CNGB3: variants seen among roughly 807,000 people sequenced by gnomAD.
The protein encoded by CNGB3 is cyclic nucleotide-gated channel beta-3.
CNGB3 carries 86 observed loss-of-function variants against 92.8 expected under a neutral mutation model. The observed-to-expected ratio is 0.93, with a 90% CI of 0.78 to 1.11. The LOEUF is 1.11. CNGB3 is among the 50% of genes least tolerant of loss of function. The probability of loss-of-function intolerance (pLI) is 0.00; values close to 1 mark genes in which losing one functional copy is unlikely to be tolerated. For synonymous variants in CNGB3, 333 were observed against 332.7 expected (o/e 1.00, Z -0.01); for missense variants, 1,026 against 956.8 (o/e 1.07, Z -0.95).
chr8:86,717,115 A>G (rs1255500349), intron 3 of CNGB3, among the ~76,000 whole-genome samples: 1 of 152,194 alleles, frequency 6.6e-6, no homozygotes, highest in African/African-American at 2.4e-5. Context: ...GTTAAAAAAG[A>G]CAAAGAGGAA....
At chr8:86,589,909 T>G (rs1419017947) in intron 15 of CNGB3, among the ~76,000 whole-genome samples, 1 of 151,782 alleles carries the variant, frequency 6.6e-6, no homozygotes, top group Non-Finnish European at 1.5e-5. Flanking sequence ...ACTTTCTGTC[T>G]CGTTGATCTG....
Position 86,743,589 on chromosome 8 carries a change from A to G in CNGB3, c.39T>C (p.Pro13=), listed in dbSNP as rs1276960474. The part of the protein sequence containing the change: ...KSLTKVNKVK[P]IGENNENEQS... Reference sequence around the variant, plus strand: ...GTTCATTCTCATTGTTCTCTCCTATAGGCTTCACCTTGTTGACTTTTGTCA... The same window carrying G: ...GTTCATTCTCATTGTTCTCTCCTATGGGCTTCACCTTGTTGACTTTTGTCA... Residue 13 remains proline, a synonymous_variant, in exon 1 of 18, where the codon CCT becomes CCC. Transcript: ENST00000320005. 3 of 1,614,000 alleles carry G rather than the reference A, an allele frequency of 1.9e-6. No homozygotes were observed. Among genetic ancestry groups the G allele is most frequent in the Admixed American group, 3.3e-5 (2 of 60,024 alleles).
Position 86,732,925 on chromosome 8 carries a change from G to C in CNGB3, c.212-6268C>G, listed in dbSNP as rs954705769. Among the ~76,000 whole-genome samples the C allele has an allele frequency of 2.0e-5, 3 of 152,282 alleles. No homozygotes were observed. The East Asian group carries it at 5.8e-4, about 29-fold the overall frequency. ...TATTTTAGATTCAGGGGATGCATGT[G>C]TGTGTTTGTTACATGGGTATACTGC... On this transcript the variant is annotated intron_variant, in intron 2 of 17. Coordinates refer to ENST00000320005, the MANE Select transcript of CNGB3 (RefSeq NM_019098.5).
chr8:86,726,647 G>A lies in CNGB3; in HGVS notation c.222C>T (p.Ser74=). The A allele has an allele frequency of 6.2e-7, 1 of 1,613,548 alleles. No homozygotes were observed. The highest frequency in any genetic ancestry group is 8.5e-7 in the Non-Finnish European group (1 of 1,179,670). The change falls in exon 3 of 18, where the codon TCC becomes TCT. Residue 74 remains serine (S), a synonymous_variant. Transcript: ENST00000320005. ...EPHTNIQDKL[S]KKNSSGDLTT... is the part of the protein sequence containing the mutation. The stretch of plus-strand genomic sequence containing the variant: ...TCAGATCTCCAGAGGAATTTTTCTT[G>A]GAGAGTTTGTCTATGAAAAAAAAAT...
intron 6 of CNGB3, chr8:86,661,686 C>T: frequency 9.2e-7 from 1 of 1,087,318 alleles, no homozygotes; most frequent in Non-Finnish European, 1.4e-6. Flanking sequence ...TCCTCTTCTT[C>T]TGAAGTCACT....
chr8:86,658,464 G>T (rs2131606913), intron 6 of CNGB3: 1 of 407,242 alleles, frequency 2.5e-6, no homozygotes, highest in Non-Finnish European at 4.6e-6. Flanking sequence ...CCCTTGGCAG[G>T]CCATCTTGGC....
chr8:86,660,076 G>A, intron 6 of CNGB3: 1 of 325,690 alleles, frequency 3.1e-6, no homozygotes, highest in South Asian at 3.0e-5. Context: ...CTAACATGGT[G>A]TCATGAGCAG....
intron 3 of CNGB3, among the ~76,000 whole-genome samples, chr8:86,693,413 A>ATT (rs71503463): frequency 1.6e-5 from 2 of 121,926 alleles, no homozygotes; most frequent in Admixed American, 8.0e-5. Flanking sequence ...AACTTTGTTC[A>ATT]TTTTTTTTTA....
intron 10 of CNGB3, among the ~76,000 whole-genome samples, chr8:86,635,861 T>TATATATATATATAC (rs796498363): frequency 3.6e-4 from 24 of 66,228 alleles, no homozygotes; most frequent in Non-Finnish European, 4.9e-4. Context: ...TATATATATA[T>TATATATATATATAC]ATACACATAC....
intron 3 of CNGB3, among the ~76,000 whole-genome samples, chr8:86,698,646 ATT>A (rs1294456825): frequency 6.6e-6 from 1 of 152,188 alleles, no homozygotes; most frequent in African/African-American, 2.4e-5. Context: ...AATTACCAAG[ATT>A]TTTGTATCTT....
chr8:86,632,873 C>G lies in CNGB3; in HGVS notation c.1199G>C (p.Trp400Ser). Residue 400 changes from tryptophan (W) to serine (S), a missense_variant, in exon 11 of 18, where the codon TGG becomes TCG. By Grantham distance (177) the Trp-to-Ser change is radical (BLOSUM62 -3). Transcript: ENST00000320005. ...EGNEYLRCYYWAVRTLITIGG... is the reference protein window; with the variant it reads ...EGNEYLRCYYSAVRTLITIGG... ...AATGGTAATTAAAGTTCGAACTGCC[C>G]AATAATAACATCTCAGATACCTGTG... 6.2e-7 allele frequency: 1 copy of G among 1,612,418 alleles called. No individual in the cohort carries two copies. The highest frequency in any genetic ancestry group is 8.5e-7 in the Non-Finnish European group (1 of 1,179,744).
At chr8:86,578,917 A>T in intron 16 of CNGB3, 54 bp from the exon 17 acceptor site, 2 of 1,609,180 alleles carry the variant, frequency 1.2e-6, no homozygotes, top group Non-Finnish European at 1.7e-6. Flanking sequence ...GTTCTGGCAA[A>T]ATCTACTAAA....
chr8:86,666,799 A>G (rs552995252), intron 6 of CNGB3, 126 bp downstream of exon 6: 2 of 792,564 alleles, frequency 2.5e-6, no homozygotes, highest in East Asian at 2.6e-5. Flanking sequence ...ATTATTGCTC[A>G]TGACTTCTTG....
chr8:86,695,053 G>A (rs559473863), intron 3 of CNGB3, among the ~76,000 whole-genome samples: 72 of 152,326 alleles, frequency 4.7e-4, no homozygotes, highest in African/African-American at 1.6e-3. Flanking sequence ...CCGGCACCTC[G>A]GGAGGCCAAG....
chr8:86,657,787 C>T, intron 6 of CNGB3: 3 of 494,960 alleles, frequency 6.1e-6, no homozygotes, highest in Non-Finnish European at 1.2e-5. Context: ...TCCTCCTTGT[C>T]CTGGGCCAGG....
At chr8:86,666,232 C>G (rs1057239230) in intron 6 of CNGB3, among the ~76,000 whole-genome samples, 2 of 152,156 alleles carry the variant, frequency 1.3e-5, no homozygotes, top group African/African-American at 4.8e-5. Context: ...TACCAGAGGA[C>G]TATATATTAA....
rs1053716300 is a variant in CNGB3 at position 86,608,544 on chromosome 8, G to T, written c.1662+3044C>A. On this transcript the variant is annotated intron_variant, in intron 14 of 17. Coordinates refer to ENST00000320005, the MANE Select transcript of CNGB3 (RefSeq NM_019098.5). Reference sequence around the variant, plus strand: ...GACCTGACATCAGTCAGGCTCACCCGCAGTTATCCGGAGGCCTAACCGTCT... The same window carrying T: ...GACCTGACATCAGTCAGGCTCACCCTCAGTTATCCGGAGGCCTAACCGTCT... 2.6e-5 allele frequency among the ~76,000 whole-genome samples: 4 copies of T among 152,208 alleles called. 1 individual carries two copies. Among genetic ancestry groups the T allele is most frequent in the Non-Finnish European group, 5.9e-5 (4 of 68,036 alleles).
chr8:86,641,758 G>A (rs1338852680), intron 10 of CNGB3, among the ~76,000 whole-genome samples: 3 of 151,800 alleles, frequency 2.0e-5, no homozygotes, highest in Non-Finnish European at 4.4e-5. Context: ...AGCCTTTGGA[G>A]ATACTTCTTA....
intron 13 of CNGB3, among the ~76,000 whole-genome samples, chr8:86,618,944 C>T (rs901227990): frequency 3.3e-5 from 5 of 152,198 alleles, no homozygotes; most frequent in South Asian, 2.1e-4. Context: ...TCCTTCCGTC[C>T]ACAGAAGTCA....
Sources: gnomAD v4.1 joint callset for allele counts (sites outside exome capture counted in the v4.1 genomes callset) on GRCh38, gnomAD v4.1.1 for gene constraint, MANE v1.5 for transcripts, NCBI Gene and HGNC (gene_info 2026-07-23, HGNC 2026-07-21) for gene names.